TRPC4: variants seen among roughly 807,000 people sequenced by gnomAD.
TRPC4 encodes the protein short transient receptor potential channel 4.
TRPC4 carries 49 observed loss-of-function variants against 99.4 expected under a neutral mutation model. That is an observed-to-expected ratio of 0.49 (90% CI 0.39 to 0.63). The LOEUF is 0.63. Ranked by LOEUF, TRPC4 falls within the 20% of genes least tolerant of loss-of-function variation. TRPC4 has a pLI of 0.00. For missense variants in TRPC4, 898 were observed against 1,152.9 expected, an observed-to-expected ratio of 0.78 and a Z score of 3.20; for synonymous variants, 454 against 425.9, an observed-to-expected ratio of 1.07 and a Z score of -0.81.
chr13:37,710,228 C>T (rs1323342491), intron 3 of TRPC4, among the ~76,000 whole-genome samples: 1 of 151,922 alleles, frequency 6.6e-6, no homozygotes, highest in Non-Finnish European at 1.5e-5. Flanking sequence ...GACTTCTACT[C>T]TCTTGGTTTA....
chr13:37,691,402 C>A (rs17056451), intron 4 of TRPC4, among the ~76,000 whole-genome samples: 3 of 152,058 alleles, frequency 2.0e-5, no homozygotes, highest in Non-Finnish European at 2.9e-5. Context: ...CTGCACCCGG[C>A]GGGAAAACAA....
chr13:37,714,067 C>T (rs1413593424), intron 3 of TRPC4, among the ~76,000 whole-genome samples: 2 of 151,358 alleles, frequency 1.3e-5, no homozygotes, highest in East Asian at 3.9e-4. Flanking sequence ...TTCCTTCCTT[C>T]CCTCCCTCCC....
chr13:37,811,589 A>G (rs1486653407), intron 1 of TRPC4, among the ~76,000 whole-genome samples: 2 of 152,118 alleles, frequency 1.3e-5, no homozygotes, highest in Non-Finnish European at 2.9e-5. Context: ...AAAGGTTCAG[A>G]CATTCTTAGA....
intron 8 of TRPC4, among the ~76,000 whole-genome samples, chr13:37,644,687 G>C (rs1366536662): frequency 6.6e-6 from 1 of 151,748 alleles, no homozygotes. Context: ...TGGCTAACAC[G>C]GTGAAACTCC....
chr13:37,744,524 G>C, intron 3 of TRPC4, among the ~76,000 whole-genome samples: 1 of 152,092 alleles, frequency 6.6e-6, no homozygotes, highest in East Asian at 1.9e-4. Context: ...CTTGTTTCAG[G>C]CTTCCATGAC....
chr13:37,707,983 C>G (rs1476775354), intron 3 of TRPC4, among the ~76,000 whole-genome samples: 5 of 152,060 alleles, frequency 3.3e-5, no homozygotes, highest in Admixed American at 3.3e-4. Context: ...AGTCTCCTGA[C>G]CTTTACTGAC....
At chr13:37,749,756 T>C (rs951326790) in intron 2 of TRPC4, among the ~76,000 whole-genome samples, 1 of 152,192 alleles carries the variant, frequency 6.6e-6, no homozygotes, top group African/African-American at 2.4e-5. Flanking sequence ...CTCCTTTTTG[T>C]TGTTGGATAT....
intron 4 of TRPC4, among the ~76,000 whole-genome samples, chr13:37,689,833 T>A (rs1031024578): frequency 6.6e-6 from 1 of 152,228 alleles, no homozygotes; most frequent in Admixed American, 6.5e-5. Flanking sequence ...ATCACAAATC[T>A]ATTTGTTTAT....
intron 2 of TRPC4, among the ~76,000 whole-genome samples, chr13:37,761,890 C>A (rs977303483): frequency 1.3e-5 from 2 of 150,334 alleles, no homozygotes; most frequent in African/African-American, 5.0e-5. Context: ...AGAATGCATG[C>A]TTTTTGTTGC....
intron 4 of TRPC4, among the ~76,000 whole-genome samples, chr13:37,678,485 G>A (rs1953131783): frequency 6.6e-6 from 1 of 152,040 alleles, no homozygotes; most frequent in East Asian, 1.9e-4. Flanking sequence ...ATGAATACCT[G>A]GATGCTCATA....
At chr13:37,665,259 G>A (rs956033785) in intron 5 of TRPC4, among the ~76,000 whole-genome samples, 7 of 151,942 alleles carry the variant, frequency 4.6e-5, no homozygotes, top group Non-Finnish European at 1.0e-4. Context: ...ATTGATAGCT[G>A]TCCCCCTATA....
chr13:37,686,962 CTTTTCTTTT>C (rs2138848662), intron 4 of TRPC4, among the ~76,000 whole-genome samples: 1 of 151,888 alleles, frequency 6.6e-6, no homozygotes, highest in South Asian at 2.1e-4. Context: ...TTCTTTCTTT[CTTTTCTTTT>C]CTTTTTTTTT....
At chr13:37,753,607 GAAAGAA>G (rs750587455) in intron 2 of TRPC4, among the ~76,000 whole-genome samples, 5 of 111,312 alleles carry the variant, frequency 4.5e-5, no homozygotes, top group East Asian at 5.7e-4. Context: ...GAGAGAGAGA[GAAAGAA>G]AGAAAGAGAA....
intron 10 of TRPC4, 36 bp from the exon 11 acceptor site, chr13:37,637,661 C>CT: frequency 6.5e-7 from 1 of 1,532,846 alleles, no homozygotes; most frequent in Middle Eastern, 1.8e-4. Context: ...TCGGTTATGA[C>CT]TTAAACATTT....
intron 1 of TRPC4, among the ~76,000 whole-genome samples, chr13:37,808,247 G>A (rs1957582460): frequency 6.6e-6 from 1 of 152,056 alleles, no homozygotes; most frequent in South Asian, 2.1e-4. Context: ...AGTTGAAAAG[G>A]AATGAAATTG....
chr13:37,856,234 T>G (rs906700801), intron 1 of TRPC4, among the ~76,000 whole-genome samples: 2 of 151,670 alleles, frequency 1.3e-5, no homozygotes, highest in African/African-American at 2.4e-5. Flanking sequence ...GTGGCTGTTA[T>G]GAGCAACTAC....
At chr13:37,787,001 A>G (rs1328038198) in intron 1 of TRPC4, among the ~76,000 whole-genome samples, 1 of 152,106 alleles carries the variant, frequency 6.6e-6, no homozygotes, top group Admixed American at 6.6e-5. Flanking sequence ...TGAAAACTAC[A>G]GTTTTCTAAG....
intron 1 of TRPC4, among the ~76,000 whole-genome samples, chr13:37,833,740 GC>G (rs1380645867): frequency 1.3e-5 from 2 of 152,102 alleles, no homozygotes; most frequent in Non-Finnish European, 2.9e-5. Flanking sequence ...TGGTTGTGGG[GC>G]CTTTTCTCAA....
At chr13:37,754,339 A>G (rs1956039924) in intron 2 of TRPC4, among the ~76,000 whole-genome samples, 1 of 152,120 alleles carries the variant, frequency 6.6e-6, no homozygotes, top group Admixed American at 6.6e-5. Context: ...TAGGCACTCA[A>G]TAACTACTAC....
Sources: gnomAD v4.1 joint callset for allele counts (sites outside exome capture counted in the v4.1 genomes callset) on GRCh38, gnomAD v4.1.1 for gene constraint, MANE v1.5 for transcripts, NCBI Gene and HGNC (gene_info 2026-07-23, HGNC 2026-07-21) for gene names.